RBFOX1: variants seen among roughly 807,000 people sequenced by gnomAD.
RBFOX1 encodes RNA binding protein fox-1 homolog 1.
A neutral mutation model predicts 57.7 loss-of-function variants in RBFOX1; 8 were observed. The ratio of observed to expected loss-of-function variants is 0.14; its 90% CI spans 0.08 to 0.25. The LOEUF is 0.25. Ranked by LOEUF, RBFOX1 falls within the 10% of genes least tolerant of loss-of-function variation. The pLI is 1.00. For missense variants in RBFOX1, 611 were observed against 548.5 expected (o/e 1.11, Z -1.14); for synonymous variants, 326 against 222.4 (o/e 1.47, Z -4.15).
chr16:6,956,778 C>T (rs188605000), intron 3 of RBFOX1, among the ~76,000 whole-genome samples: 138 of 152,246 alleles, frequency 9.1e-4, no homozygotes, highest in African/African-American at 3.2e-3. Context: ...GGGTAGATAC[C>T]GCTTGGGGTA....
chr16:5,754,070 A>C (rs2053310735), intron 3 of RBFOX1, among the ~76,000 whole-genome samples: 1 of 152,132 alleles, frequency 6.6e-6, no homozygotes, highest in Non-Finnish European at 1.5e-5. Flanking sequence ...ATGCAAAACT[A>C]CCTGCATGAC....
chr16:6,590,728 G>C (rs1025335662), intron 2 of RBFOX1, among the ~76,000 whole-genome samples: 5 of 152,148 alleles, frequency 3.3e-5, no homozygotes, highest in Admixed American at 1.3e-4. Flanking sequence ...ATTGACGGTC[G>C]TACATTTCCT....
intron 4 of RBFOX1, among the ~76,000 whole-genome samples, chr16:7,104,381 AT>A (rs2063209373): frequency 6.6e-6 from 1 of 152,144 alleles, no homozygotes; most frequent in Non-Finnish European, 1.5e-5. Flanking sequence ...CTGGTACCTC[AT>A]CCCCATCAGG....
rs551586370 is a variant in RBFOX1, at chr16:7,568,984, T to C, written c.271-10793T>C. ...TATCCAGCCCCTATTCAAGATGGAG[T>C]TGCTTTCATTCTCCTGCCTCTGACA... On this transcript the variant is annotated intron_variant, in intron 5 of 15. Coordinates refer to ENST00000550418, the MANE Select transcript of RBFOX1 (RefSeq NM_018723.4). Among the ~76,000 whole-genome samples the C allele has an allele frequency of 4.0e-5, 6 of 150,968 alleles. No homozygotes were observed. In the East Asian group the frequency reaches 1.2e-3, roughly 29 times the overall value.
chr16:6,387,724 A>G (rs2152927287), intron 2 of RBFOX1, among the ~76,000 whole-genome samples: 1 of 152,192 alleles, frequency 6.6e-6, no homozygotes, highest in East Asian at 1.9e-4. Context: ...TATAGTGGGC[A>G]CCTGTCAATT....
chr16:6,806,538 T>C (rs2086803157), intron 3 of RBFOX1, among the ~76,000 whole-genome samples: 1 of 152,010 alleles, frequency 6.6e-6, no homozygotes, highest in Admixed American at 6.6e-5. Flanking sequence ...CCATCTTACA[T>C]GGATAGTCTG....
At chr16:5,885,827 T>C (rs928771307) in intron 4 of RBFOX1, among the ~76,000 whole-genome samples, 1 of 152,170 alleles carries the variant, frequency 6.6e-6, no homozygotes, top group Non-Finnish European at 1.5e-5. Flanking sequence ...GTGCTGCTGC[T>C]CTGAACTGTT....
At chr16:7,676,540 C>T (rs112541281) in intron 13 of RBFOX1, among the ~76,000 whole-genome samples, 116 of 152,260 alleles carry the variant, frequency 7.6e-4, no homozygotes, top group African/African-American at 2.6e-3. Context: ...CCTCTAGGCT[C>T]TTCTTTTGGG....
At chr16:7,519,748 C>T in intron 5 of RBFOX1, 4 of 978,202 alleles carry the variant, frequency 4.1e-6, no homozygotes, top group South Asian at 4.7e-5. Flanking sequence ...GTCCCAAGAC[C>T]TCAGGAAAGC....
chr16:5,644,285 G>A (rs1224792950), intron 3 of RBFOX1, among the ~76,000 whole-genome samples: 1 of 152,210 alleles, frequency 6.6e-6, no homozygotes, highest in African/African-American at 2.4e-5. Flanking sequence ...CAATTTATGT[G>A]TAGTAAAATG....
At chr16:7,482,542 A>AT (rs1178577326) in intron 4 of RBFOX1, among the ~76,000 whole-genome samples, 3,345 of 77,240 alleles carry the variant, frequency 0.043, 295 homozygotes, top group Non-Finnish European at 0.056. Flanking sequence ...ATTGCCTGGG[A>AT]TTTTTTTTTT....
rs555293636 is a variant in RBFOX1, at chr16:5,367,067, A to G, written c.220-100149A>G. On this transcript the variant is annotated intron_variant, in intron 1 of 2. Transcript: ENST00000585867. ...TGGTATGACATAGGTGGTTTTCTCA[A>G]TTTTTAAAATTTATTTTGCATGTCA... is the stretch of plus-strand genomic sequence containing the variant. 2.4e-3 allele frequency among the ~76,000 whole-genome samples: 358 copies of G among 152,334 alleles called. 3 individuals are homozygous for G. The highest frequency in any genetic ancestry group is 8.2e-3 in the African/African-American group (343 of 41,586).
chr16:5,661,826 C>T (rs1267485093), intron 3 of RBFOX1, among the ~76,000 whole-genome samples: 1 of 152,086 alleles, frequency 6.6e-6, no homozygotes, highest in African/African-American at 2.4e-5. Flanking sequence ...CACTCTGTTG[C>T]CCAGGCTGGG....
At chr16:5,580,090 G>T (rs2046612276) in intron 2 of RBFOX1, among the ~76,000 whole-genome samples, 1 of 152,130 alleles carries the variant, frequency 6.6e-6, no homozygotes, top group Non-Finnish European at 1.5e-5. Flanking sequence ...TTCTTTATCT[G>T]CTCAGCATTA....
At chr16:7,272,899 C>G in intron 4 of RBFOX1, among the ~76,000 whole-genome samples, 1 of 143,792 alleles carries the variant, frequency 7.0e-6, no homozygotes, top group African/African-American at 2.6e-5. Flanking sequence ...TTCCTTCCCT[C>G]CTTTCTTCCT....
chr16:5,915,051 C>G (rs1230944618), intron 4 of RBFOX1, among the ~76,000 whole-genome samples: 1 of 152,054 alleles, frequency 6.6e-6, no homozygotes, highest in Non-Finnish European at 1.5e-5. Flanking sequence ...GAGTTTACAC[C>G]CAAGGGGAGG....
intron 4 of RBFOX1, among the ~76,000 whole-genome samples, chr16:7,082,418 C>CA (rs1322300099): frequency 6.6e-6 from 1 of 151,742 alleles, no homozygotes; most frequent in Non-Finnish European, 1.5e-5. Context: ...CTGCATCTAC[C>CA]AAAAATATCA....
At chr16:5,454,958 C>CCTTTCTTTTT (rs2068574544) in intron 1 of RBFOX1, among the ~76,000 whole-genome samples, 8 of 30,384 alleles carry the variant, frequency 2.6e-4, no homozygotes, top group Non-Finnish European at 4.1e-4. Context: ...TTCCTTCCTT[C>CCTTTCTTTTT]CTTTCTTTCT....
intron 4 of RBFOX1, among the ~76,000 whole-genome samples, chr16:7,184,967 C>T (rs1260272835): frequency 1.3e-5 from 2 of 152,126 alleles, no homozygotes; most frequent in Non-Finnish European, 2.9e-5. Flanking sequence ...CTCTCTCAAG[C>T]ATTACAGTAA....
Sources: gnomAD v4.1 joint callset for allele counts (sites outside exome capture counted in the v4.1 genomes callset) on GRCh38, gnomAD v4.1.1 for gene constraint, MANE v1.5 for transcripts, NCBI Gene and HGNC (gene_info 2026-07-23, HGNC 2026-07-21) for gene names.